ABCA10: variants seen among roughly 807,000 people sequenced by gnomAD.
The protein encoded by ABCA10 is ATP binding cassette subfamily A member 10.
ABCA10 carries 169 observed loss-of-function variants against 187.5 expected under a neutral mutation model. That is an observed-to-expected ratio of 0.90 (90% CI 0.80 to 1.02). ABCA10 has a LOEUF of 1.02. Among genes scored for constraint, ABCA10 ranks in the 50% least tolerant of loss-of-function variants. The pLI, the probability that ABCA10 is intolerant of heterozygous loss-of-function variation, is 0.00. For synonymous variants in ABCA10, 574 were observed against 601.8 expected (o/e 0.95, Z 0.68); for missense variants, 1,727 against 1,812.4 (o/e 0.95, Z 0.86).
chr17:69,181,321 C>T (rs1029723589), intron 22 of ABCA10, among the ~76,000 whole-genome samples: 6 of 152,082 alleles, frequency 3.9e-5, no homozygotes, highest in Admixed American at 1.3e-4. Flanking sequence ...TAAGTAAATA[C>T]GCATTGAGTA....
Position 69,174,651 on chromosome 17 carries a change from T to C in ABCA10, c.3004A>G (p.Ile1002Val), listed in dbSNP as rs1264377133. The change falls in exon 24 of 39, where the codon ATA (isoleucine) becomes GTA (valine). Residue 1002 changes from isoleucine (I) to valine (V), a missense_variant. Physicochemically the swap from Ile to Val is conservative, Grantham distance 29 (BLOSUM62 3). Transcript: ENST00000690296. ...LFSIHLIYYF[I>V]FLGFQLSWEL... ...CATGAAAGCTGGAATCCCAGAAATATGAAGTAGTAAATTAAATGTATTGAA... is the reference window on the plus strand; with the variant it reads ...CATGAAAGCTGGAATCCCAGAAATACGAAGTAGTAAATTAAATGTATTGAA... 6.8e-6 allele frequency: 11 copies of C among 1,610,268 alleles called. No individual in the cohort carries two copies. Among genetic ancestry groups the C allele is most frequent in the Non-Finnish European group, 9.3e-6 (11 of 1,178,460 alleles).
At chr17:69,211,533 G>A (rs958732217) in intron 9 of ABCA10, among the ~76,000 whole-genome samples, 11 of 151,460 alleles carry the variant, frequency 7.3e-5, no homozygotes, top group Admixed American at 2.0e-4. Flanking sequence ...TCTATCTTTT[G>A]AAATAGTGTC....
intron 10 of ABCA10, 28 bp downstream of exon 10, chr17:69,201,472 G>A (rs2074544000): frequency 6.5e-7 from 1 of 1,537,112 alleles, no homozygotes; most frequent in African/African-American, 1.4e-5. Context: ...ACCTATAAGT[G>A]TACATAGTCA....
chr17:69,210,865 T>TATATATATATATATATATATATATATATA (rs1555662878), intron 9 of ABCA10, among the ~76,000 whole-genome samples: 15 of 145,546 alleles, frequency 1.0e-4, no homozygotes, highest in African/African-American at 4.1e-4. Context: ...TATATATATA[T>TATATATATATATATATATATATATATATA]GCCATATTTC....
At chr17:69,158,342 A>G (rs191166802) in intron 27 of ABCA10, among the ~76,000 whole-genome samples, 1 of 151,990 alleles carries the variant, frequency 6.6e-6, no homozygotes, top group Non-Finnish European at 1.5e-5. Flanking sequence ...AAAATGCAAG[A>G]TAAGAATCTG....
intron 9 of ABCA10, among the ~76,000 whole-genome samples, chr17:69,208,521 T>A (rs1314551349): frequency 2.0e-5 from 3 of 148,000 alleles, no homozygotes; most frequent in Admixed American, 6.7e-5. Context: ...ACAGAAAAAA[T>A]TTAACTTTGG....
chr17:69,156,849 A>G lies in ABCA10; in HGVS notation c.3438T>C (p.Asn1146=). 2 of 1,580,926 alleles carry G rather than the reference A, an allele frequency of 1.3e-6. No homozygotes were observed. The highest frequency in any genetic ancestry group is 2.7e-5 in the African/African-American group (2 of 73,332). The change falls in exon 28 of 39, where the codon AAT becomes AAC. Residue 1146 remains asparagine, a synonymous_variant. Coordinates refer to ENST00000690296, the MANE Select transcript of ABCA10 (RefSeq NM_001377321.1). ...LEMKYGNEIM[N]KDPVFRISPR... Reference sequence around the variant, plus strand: ...TTCCCAACCTGAAAACTGGGTCTTTATTCATTATTTCATTTCCATACTTCA... The same window carrying G: ...TTCCCAACCTGAAAACTGGGTCTTTGTTCATTATTTCATTTCCATACTTCA...
In ABCA10 at chr17:69,177,016, T is replaced by C. The variant is rs548477286; in HGVS notation, c.2770-1503A>G. On this transcript the variant is annotated intron_variant, in intron 22 of 38. Transcript: ENST00000690296. ...CTCTGCTTTTCTTTGCTCCCCCATCTCTCTTCTGCATATCCTCAACTTCAT... is the reference window on the plus strand; with the variant it reads ...CTCTGCTTTTCTTTGCTCCCCCATCCCTCTTCTGCATATCCTCAACTTCAT... 2.7e-4 allele frequency among the ~76,000 whole-genome samples: 41 copies of C among 152,238 alleles called. 1 individual carries two copies. The highest frequency in any genetic ancestry group is 4.1e-4 in the Non-Finnish European group (28 of 68,002).
At chr17:69,212,109 AT>A (rs1399805643) in intron 9 of ABCA10, among the ~76,000 whole-genome samples, 1 of 152,002 alleles carries the variant, frequency 6.6e-6, no homozygotes, top group Non-Finnish European at 1.5e-5. Context: ...TGATGTAGGT[AT>A]TTTATGCCAT....
chr17:69,224,954 T>A (rs1258311193), intron 3 of ABCA10, among the ~76,000 whole-genome samples: 1 of 152,126 alleles, frequency 6.6e-6, no homozygotes, highest in Non-Finnish European at 1.5e-5. Flanking sequence ...TCCTTAAAAT[T>A]TTTTGAAACT....
intron 12 of ABCA10, 123 bp from the exon 13 acceptor site, chr17:69,194,112 C>A: frequency 1.1e-6 from 1 of 949,942 alleles, no homozygotes; most frequent in African/African-American, 1.7e-5. Flanking sequence ...TTCACATTTT[C>A]CAATTGCATA....
chr17:69,161,095 A>G (rs1378228297), intron 27 of ABCA10, among the ~76,000 whole-genome samples: 2 of 152,232 alleles, frequency 1.3e-5, no homozygotes, highest in Non-Finnish European at 2.9e-5. Context: ...AAATCTTGAC[A>G]TATGTCTCAA....
chr17:69,220,648 T>C (rs1033417225), intron 5 of ABCA10, among the ~76,000 whole-genome samples: 8 of 152,180 alleles, frequency 5.3e-5, no homozygotes, highest in African/African-American at 1.9e-4. Flanking sequence ...TTTTTGCGCA[T>C]ACTAAGTTTG....
intron 1 of ABCA10, among the ~76,000 whole-genome samples, chr17:69,236,263 G>C (rs1254837257): frequency 6.6e-6 from 1 of 152,146 alleles, no homozygotes; most frequent in African/African-American, 2.4e-5. Flanking sequence ...ATGCAGGCTT[G>C]TAAATCCCCC....
chr17:69,225,907 CA>C (rs1256402058), intron 2 of ABCA10, among the ~76,000 whole-genome samples: 3 of 151,826 alleles, frequency 2.0e-5, no homozygotes, highest in African/African-American at 7.3e-5. Flanking sequence ...TCACTGCTTA[CA>C]AAAAATATAG....
chr17:69,170,437 C>CAAAA (rs71144658), intron 25 of ABCA10, among the ~76,000 whole-genome samples: 10 of 109,678 alleles, frequency 9.1e-5, no homozygotes, highest in Non-Finnish European at 1.1e-4. Flanking sequence ...TTTTACTCAT[C>CAAAA]AAAAAAAAAA....
intron 20 of ABCA10, 99 bp from the exon 21 acceptor site, chr17:69,182,907 A>G: frequency 7.0e-7 from 1 of 1,437,090 alleles, no homozygotes. Flanking sequence ...GTGTTAAGAA[A>G]AACCCAGAAT....
At chr17:69,211,784 G>A (rs570730030) in intron 9 of ABCA10, among the ~76,000 whole-genome samples, 17 of 152,152 alleles carry the variant, frequency 1.1e-4, no homozygotes, top group African/African-American at 3.4e-4. Context: ...GGTGTCCATA[G>A]TGGCCCTGAA....
At chr17:69,219,413 C>T (rs1047630813) in intron 6 of ABCA10, 132 bp downstream of exon 6, 27 of 578,150 alleles carry the variant, frequency 4.7e-5, no homozygotes, top group Non-Finnish European at 7.5e-5. Context: ...GCATCTTAAA[C>T]TCTAATGCAA....
Sources: allele counts gnomAD v4.1 joint callset (sites outside exome capture counted in the v4.1 genomes callset), GRCh38; gene constraint gnomAD v4.1.1; transcripts MANE v1.5; gene names NCBI Gene and HGNC (gene_info 2026-07-23, HGNC 2026-07-21).